Variants in ABCA13 observed in about 807,000 individuals in gnomAD.
ABCA13 encodes ATP-binding cassette sub-family A member 13.
In ABCA13, 476 loss-of-function variants were observed where a neutral mutation model predicts 478.7. The ratio of observed to expected loss-of-function variants is 0.99; its 90% CI spans 0.92 to 1.07. The LOEUF (loss-of-function observed/expected upper bound fraction) is 1.07. ABCA13 is among the 50% of genes least tolerant of loss of function. The probability of loss-of-function intolerance (pLI) is 0.00; values close to 1 mark genes in which losing one functional copy is unlikely to be tolerated. For missense variants in ABCA13, 6,060 were observed against 5,910.6 expected (o/e 1.03, Z -0.83); for synonymous variants, 2,252 against 2,158.9 (o/e 1.04, Z -1.20).
intron 58 of ABCA13, among the ~76,000 whole-genome samples, chr7:48,597,014 C>G (rs766277743): frequency 2.6e-5 from 4 of 151,176 alleles, no homozygotes; most frequent in Non-Finnish European, 4.4e-5. Context: ...TGCAGTGGCA[C>G]GATCTTGGCT....
At chr7:48,444,747 G>A (rs541906707) in intron 42 of ABCA13, among the ~76,000 whole-genome samples, 91 of 152,210 alleles carry the variant, frequency 6.0e-4, no homozygotes, top group African/African-American at 2.0e-3. Flanking sequence ...ACTGCCTGCT[G>A]AGCAACTCCA....
intron 7 of ABCA13, among the ~76,000 whole-genome samples, chr7:48,233,054 C>T (rs1789398307): frequency 6.6e-6 from 1 of 152,130 alleles, no homozygotes; most frequent in Admixed American, 6.5e-5. Context: ...TCCCATGATG[C>T]CATGTAAAGG....
At chr7:48,411,185 CT>C (rs1819142366) in intron 40 of ABCA13, among the ~76,000 whole-genome samples, 1 of 139,258 alleles carries the variant, frequency 7.2e-6, no homozygotes, top group South Asian at 2.2e-4. Flanking sequence ...CTTTCTTTCT[CT>C]TTCTTTCCTT....
chr7:48,326,387 G>T (rs1006954165), intron 27 of ABCA13, among the ~76,000 whole-genome samples: 4 of 152,176 alleles, frequency 2.6e-5, no homozygotes, highest in African/African-American at 9.7e-5. Context: ...GCTGTAAATT[G>T]GTTTCTTTGT....
intron 59 of ABCA13, among the ~76,000 whole-genome samples, chr7:48,642,706 C>T (rs1434588165): frequency 6.6e-6 from 1 of 152,128 alleles, no homozygotes; most frequent in Non-Finnish European, 1.5e-5. Flanking sequence ...GCTGATGGGA[C>T]ACCAGTGGAA....
intron 35 of ABCA13, among the ~76,000 whole-genome samples, chr7:48,377,148 G>A (rs1813611352): frequency 6.6e-6 from 1 of 151,414 alleles, no homozygotes. Context: ...CTTCCCTGGT[G>A]TGGCAGGCAT....
At chr7:48,353,180 C>A (rs959678755) in intron 31 of ABCA13, among the ~76,000 whole-genome samples, 1 of 151,686 alleles carries the variant, frequency 6.6e-6, no homozygotes, top group Non-Finnish European at 1.5e-5. Context: ...CAGGTTCAGA[C>A]AATGAACAGA....
At chr7:48,605,095 T>C (rs548743504) in intron 58 of ABCA13, among the ~76,000 whole-genome samples, 2 of 152,310 alleles carry the variant, frequency 1.3e-5, no homozygotes, top group South Asian at 4.2e-4. Flanking sequence ...TATTCCTCCA[T>C]CCCTTTATTT....
chr7:48,505,455 A>G (rs1831119351), intron 48 of ABCA13, among the ~76,000 whole-genome samples: 1 of 152,222 alleles, frequency 6.6e-6, no homozygotes, highest in Non-Finnish European at 1.5e-5. Context: ...AGGTGATAGT[A>G]TAAATTAAAA....
At chr7:48,227,468 T>C (rs779968409) in intron 6 of ABCA13, 43 bp downstream of exon 6, 1 of 1,582,902 alleles carries the variant, frequency 6.3e-7, no homozygotes, top group Non-Finnish European at 8.6e-7. Context: ...AATATGTTGT[T>C]TTTTTACCTT....
At chr7:48,491,132 G>C (rs1829802106) in intron 48 of ABCA13, among the ~76,000 whole-genome samples, 1 of 152,156 alleles carries the variant, frequency 6.6e-6, no homozygotes, top group Non-Finnish European at 1.5e-5. Context: ...TTTCAAGGAA[G>C]GGGCGAGGTG....
intron 41 of ABCA13, among the ~76,000 whole-genome samples, chr7:48,420,617 T>G (rs1238416835): frequency 3.9e-5 from 6 of 152,168 alleles, no homozygotes; most frequent in Admixed American, 3.9e-4. Flanking sequence ...TGGGTTCCCT[T>G]TGTACCTTTG....
At position 48,630,573 on chromosome 7, in the gene ABCA13, G is replaced by C. The variant is rs187003971; in HGVS notation, c.14838-12715G>C. Reference sequence around the variant, plus strand: ...TATTTAGCTGATGGTCATTTAGGTTGATTCCATGTCTTTGCTACCATGAAT... The same window carrying C: ...TATTTAGCTGATGGTCATTTAGGTTCATTCCATGTCTTTGCTACCATGAAT... On this transcript the variant is annotated intron_variant, in intron 59 of 61. Transcript: ENST00000435803. 3.9e-5 allele frequency among the ~76,000 whole-genome samples: 6 copies of C among 152,226 alleles called. No individual in the cohort carries two copies. The East Asian group carries it at 1.2e-3, about 29-fold the overall frequency.
chr7:48,400,366 AAC>A (rs1320605216), intron 38 of ABCA13, among the ~76,000 whole-genome samples: 1 of 152,230 alleles, frequency 6.6e-6, no homozygotes, highest in African/African-American at 2.4e-5. Context: ...CAGCATCTGA[AAC>A]ACATTCTCTG....
At chr7:48,238,801 A>G (rs1004774842) in intron 8 of ABCA13, among the ~76,000 whole-genome samples, 2 of 152,226 alleles carry the variant, frequency 1.3e-5, no homozygotes, top group Admixed American at 6.5e-5. Context: ...AATAAAGGAG[A>G]TTTGGTTCAA....
intron 59 of ABCA13, among the ~76,000 whole-genome samples, chr7:48,629,798 A>G (rs1012978080): frequency 1.3e-5 from 2 of 152,014 alleles, no homozygotes; most frequent in African/African-American, 4.8e-5. Flanking sequence ...TCACATCACC[A>G]CTACTAATGT....
chr7:48,205,340 G>A (rs925923659), intron 3 of ABCA13, among the ~76,000 whole-genome samples: 2 of 152,066 alleles, frequency 1.3e-5, no homozygotes, highest in Non-Finnish European at 2.9e-5. Context: ...ATTTGGATAA[G>A]TATTTTTTCA....
rs745622295 is a variant in ABCA13, at chr7:48,278,551, C to G, written c.7357C>G (p.Leu2453Val). ...CCTCCAAGAAGTTATACTTGCTAAT[C>G]TAACGGATTTGCTTTTCTTTATAAA... ...PTLQEVILANLTDLLFFINNS... is the reference protein window; with the variant it reads ...PTLQEVILANVTDLLFFINNS... Residue 2453 changes from leucine to valine, a missense_variant, in exon 18 of 62, where the codon CTA becomes GTA. This residue lies in a region of ABCA13 where 4,423 missense variants were observed against 4,309.1 expected (regional missense o/e 1.03). Coordinates refer to ENST00000435803, the MANE Select transcript of ABCA13 (RefSeq NM_152701.5). The G allele has an allele frequency of 1.2e-6, 2 of 1,613,932 alleles. No homozygotes were observed. The highest frequency in any genetic ancestry group is 2.7e-5 in the African/African-American group (2 of 75,056).
chr7:48,315,604 C>G (rs1455142681), intron 26 of ABCA13, among the ~76,000 whole-genome samples: 1 of 152,004 alleles, frequency 6.6e-6, no homozygotes, highest in East Asian at 1.9e-4. Context: ...CTCAGCCTCC[C>G]GAGTAGCTGG....
Sources: allele counts gnomAD v4.1 joint callset (sites outside exome capture counted in the v4.1 genomes callset), GRCh38; gene constraint gnomAD v4.1.1; regional missense constraint gnomAD v4.1.1; transcripts MANE v1.5; gene names NCBI Gene and HGNC (gene_info 2026-07-23, HGNC 2026-07-21).